The following DOCK1 variants were observed in gnomAD, a reference collection of about 807,000 sequenced individuals.
DOCK1 encodes the protein dedicator of cytokinesis protein 1.
DOCK1 carries 138 observed loss-of-function variants against 262.7 expected under a neutral mutation model. The ratio of observed to expected loss-of-function variants is 0.53; its 90% confidence interval spans 0.46 to 0.61. The LOEUF is 0.61. DOCK1 is among the 20% of genes least tolerant of loss of function. The pLI is 0.00. For synonymous variants in DOCK1, 866 were observed against 867.4 expected, an observed-to-expected ratio of 1.00 and a Z score of 0.03; for missense variants, 1,908 against 2,370.7, an observed-to-expected ratio of 0.80 and a Z score of 4.05.
At chr10:127,258,203 T>G (rs1465033359) in intron 29 of DOCK1, among the ~76,000 whole-genome samples, 1 of 152,190 alleles carries the variant, frequency 6.6e-6, no homozygotes, top group Non-Finnish European at 1.5e-5. Flanking sequence ...ATGCATATAC[T>G]GTGGACTCCA....
intron 23 of DOCK1, among the ~76,000 whole-genome samples, chr10:127,071,015 G>A (rs1591898561): frequency 6.6e-6 from 1 of 151,992 alleles, no homozygotes; most frequent in Non-Finnish European, 1.5e-5. Context: ...GGACTATTTT[G>A]ATTTGATAAG....
chr10:127,388,271 A>G (rs2066253362), intron 38 of DOCK1, among the ~76,000 whole-genome samples: 1 of 152,216 alleles, frequency 6.6e-6, no homozygotes, highest in Admixed American at 6.5e-5. Flanking sequence ...AATGAGTTTT[A>G]GGAGGATTTT....
At chr10:127,241,917 G>T (rs1178312579) in intron 27 of DOCK1, among the ~76,000 whole-genome samples, 1 of 152,126 alleles carries the variant, frequency 6.6e-6, no homozygotes, top group Non-Finnish European at 1.5e-5. Flanking sequence ...TGGATATAGG[G>T]TCACATTTCA....
chr10:127,374,393 T>A (rs2065371303), intron 35 of DOCK1, among the ~76,000 whole-genome samples, 179 bp downstream of exon 35: 1 of 152,196 alleles, frequency 6.6e-6, no homozygotes, highest in African/African-American at 2.4e-5. Flanking sequence ...CCACTCTGAA[T>A]AAGTCTGTAA....
At chr10:127,317,802 G>A (rs2062349687) in intron 29 of DOCK1, among the ~76,000 whole-genome samples, 2 of 152,186 alleles carry the variant, frequency 1.3e-5, no homozygotes, top group African/African-American at 4.8e-5. Context: ...TGCTAGCAGT[G>A]CCTTGCCTGT....
intron 29 of DOCK1, among the ~76,000 whole-genome samples, chr10:127,287,996 G>T (rs922924424): frequency 3.9e-5 from 6 of 152,134 alleles, no homozygotes; most frequent in Non-Finnish European, 8.8e-5. Flanking sequence ...AAAATAGATG[G>T]TACCCTGAGA....
intron 29 of DOCK1, among the ~76,000 whole-genome samples, chr10:127,278,481 G>A (rs2060826902): frequency 6.6e-6 from 1 of 152,142 alleles, no homozygotes; most frequent in Non-Finnish European, 1.5e-5. Flanking sequence ...CCCTTTTCCA[G>A]CTAATCTCTC....
At chr10:127,301,158 G>A (rs779073578) in intron 29 of DOCK1, among the ~76,000 whole-genome samples, 1 of 152,216 alleles carries the variant, frequency 6.6e-6, no homozygotes, top group Non-Finnish European at 1.5e-5. Context: ...GTTACAGTGA[G>A]AACTGGGCAG....
chr10:126,911,837 C>A (rs560580865), intron 1 of DOCK1, among the ~76,000 whole-genome samples: 9 of 152,274 alleles, frequency 5.9e-5, no homozygotes, highest in African/African-American at 2.2e-4. Flanking sequence ...TGCCATCAGC[C>A]ACTGTTCCTC....
At chr10:127,317,273 T>C (rs1449490044) in intron 29 of DOCK1, among the ~76,000 whole-genome samples, 1 of 152,226 alleles carries the variant, frequency 6.6e-6, no homozygotes, top group Non-Finnish European at 1.5e-5. Context: ...CGTCCGTACA[T>C]CTGAGTTTGG....
At chr10:127,198,662 A>T (rs901521437) in intron 27 of DOCK1, among the ~76,000 whole-genome samples, 2 of 152,170 alleles carry the variant, frequency 1.3e-5, no homozygotes, top group Admixed American at 1.3e-4. Context: ...CTGTAGCATC[A>T]TCAGGACTGC....
chr10:127,267,751 C>G (rs544341705), intron 29 of DOCK1, among the ~76,000 whole-genome samples: 1 of 152,312 alleles, frequency 6.6e-6, no homozygotes, highest in South Asian at 2.1e-4. Flanking sequence ...AAACATCTCT[C>G]CGCACAAAGC....
chr10:126,954,059 C>T (rs2036542647), intron 1 of DOCK1, among the ~76,000 whole-genome samples: 2 of 152,164 alleles, frequency 1.3e-5, no homozygotes, highest in South Asian at 4.1e-4. Context: ...TCGTCCTGCC[C>T]AGCAGCACCT....
At chr10:127,139,896 A>T (rs902680442) in intron 27 of DOCK1, among the ~76,000 whole-genome samples, 1 of 152,194 alleles carries the variant, frequency 6.6e-6, no homozygotes, top group Admixed American at 6.5e-5. Flanking sequence ...ATTGATCACT[A>T]ATCTTATAAT....
At chr10:127,016,747 ACTAACACAGATATAAACAC>A (rs2041929769) in intron 12 of DOCK1, among the ~76,000 whole-genome samples, 1 of 138,822 alleles carries the variant, frequency 7.2e-6, no homozygotes, top group African/African-American at 2.7e-5. Context: ...ACACACACAC[ACTAACACAGATATAAACAC>A]CACAAACACA....
intron 25 of DOCK1, among the ~76,000 whole-genome samples, chr10:127,120,914 T>A (rs1263940230): frequency 6.6e-6 from 1 of 152,180 alleles, no homozygotes; most frequent in East Asian, 1.9e-4. Context: ...TGTTGTAGGC[T>A]CATATTTGCT....
chr10:127,020,422 G>C (rs1195725966), intron 13 of DOCK1, among the ~76,000 whole-genome samples: 1 of 152,066 alleles, frequency 6.6e-6, no homozygotes, highest in African/African-American at 2.4e-5. Flanking sequence ...CCGGCGTGGT[G>C]GTGAGTGCCA....
intron 1 of DOCK1, among the ~76,000 whole-genome samples, chr10:126,937,075 A>G (rs1288524709): frequency 6.6e-6 from 1 of 152,184 alleles, no homozygotes; most frequent in African/African-American, 2.4e-5. Context: ...TAGGAACTTC[A>G]TAATCAAATG....
intron 29 of DOCK1, among the ~76,000 whole-genome samples, chr10:127,288,462 G>T (rs1003897919): frequency 3.3e-5 from 5 of 151,950 alleles, no homozygotes; most frequent in African/African-American, 1.2e-4. Context: ...GGCAGAGCTA[G>T]GAAATACATT....
Sources: gnomAD v4.1 joint callset for allele counts (sites outside exome capture counted in the v4.1 genomes callset) on GRCh38, gnomAD v4.1.1 for gene constraint, MANE v1.5 for transcripts, NCBI Gene and HGNC (gene_info 2026-07-23, HGNC 2026-07-21) for gene names.